DAB1: variants seen among roughly 807,000 people sequenced by gnomAD.
The protein encoded by DAB1 is DAB adaptor protein 1.
A neutral mutation model predicts 64.6 loss-of-function variants in DAB1; 15 were observed. The ratio of observed to expected loss-of-function variants is 0.23; its 90% CI spans 0.16 to 0.36. The LOEUF is 0.36. Ranked by LOEUF, DAB1 falls within the 10% of genes least tolerant of loss-of-function variation. DAB1 has a pLI of 1.00. For synonymous variants in DAB1, 235 were observed against 251.9 expected (o/e 0.93, Z 0.64); for missense variants, 596 against 706.7 (o/e 0.84, Z 1.78).
chr1:58,135,928 T>C (rs956778012), intron 5 of DAB1, among the ~76,000 whole-genome samples: 3 of 151,960 alleles, frequency 2.0e-5, no homozygotes, highest in Non-Finnish European at 4.4e-5. Flanking sequence ...TCTGTAGCCC[T>C]GGGCCATTCA....
chr1:57,079,433 G>A (rs1652283079), intron 4 of DAB1, among the ~76,000 whole-genome samples: 1 of 152,046 alleles, frequency 6.6e-6, no homozygotes, highest in Admixed American at 6.6e-5. Context: ...TTTCCTGCCT[G>A]GATTACCGCA....
chr1:58,015,788 T>C (rs1041992251), intron 5 of DAB1, among the ~76,000 whole-genome samples: 2 of 152,146 alleles, frequency 1.3e-5, no homozygotes, highest in South Asian at 2.1e-4. Context: ...GAATCACAGG[T>C]CTAAGCCAAT....
chr1:57,481,557 C>T (rs1290681858), intron 7 of DAB1, among the ~76,000 whole-genome samples: 3 of 152,138 alleles, frequency 2.0e-5, no homozygotes, highest in Non-Finnish European at 2.9e-5. Context: ...TACCTGATGC[C>T]TGTAATCCCA....
intron 7 of DAB1, among the ~76,000 whole-genome samples, chr1:57,630,140 C>T (rs1480172455): frequency 2.0e-5 from 3 of 152,120 alleles, no homozygotes; most frequent in African/African-American, 4.8e-5. Context: ...GGAGAAATCA[C>T]TCAGTTCTGT....
intron 2 of DAB1, among the ~76,000 whole-genome samples, chr1:57,226,292 G>A (rs531402729): frequency 4.5e-4 from 69 of 152,246 alleles, no homozygotes; most frequent in Admixed American, 5.9e-4. Flanking sequence ...ATGCTTGGGC[G>A]TCTAATTCAT....
chr1:58,316,799 T>C (rs1662567353), intron 4 of DAB1, among the ~76,000 whole-genome samples: 1 of 152,220 alleles, frequency 6.6e-6, no homozygotes, highest in African/African-American at 2.4e-5. Flanking sequence ...CATTCTCCAC[T>C]GTCTTCCCAG....
chr1:57,561,676 C>G (rs2691458), intron 7 of DAB1, among the ~76,000 whole-genome samples: 1 of 152,044 alleles, frequency 6.6e-6, no homozygotes, highest in Non-Finnish European at 1.5e-5. Flanking sequence ...GTCTTCACAC[C>G]AAGGGACAAT....
chr1:57,295,255 C>T (rs1673093671), intron 1 of DAB1, among the ~76,000 whole-genome samples: 1 of 152,132 alleles, frequency 6.6e-6, no homozygotes, highest in Non-Finnish European at 1.5e-5. Flanking sequence ...AAACCCCTCC[C>T]AACCTGATAT....
rs996558790 is a variant in DAB1, at chr1:57,537,597, T to C, written n.625+111995A>G. ...AAAAAGCTCCTAGGTGATTCTTAAG[T>C]GCAGCCTGGGATAGAAAACCTTGCT... is the stretch of plus-strand genomic sequence containing the variant. On this transcript the variant is annotated intron_variant and non_coding_transcript_variant, in intron 7 of 20. Coordinates refer to the DAB1 transcript ENST00000485760. 3.3e-5 allele frequency among the ~76,000 whole-genome samples: 5 copies of C among 152,064 alleles called. No homozygotes were observed. In the South Asian group the frequency reaches 8.3e-4, roughly 25 times the overall value.
At chr1:57,910,992 C>T (rs1393308353) in intron 5 of DAB1, among the ~76,000 whole-genome samples, 1 of 152,212 alleles carries the variant, frequency 6.6e-6, no homozygotes, top group African/African-American at 2.4e-5. Flanking sequence ...GTACCAGATA[C>T]TTAGAAATAT....
intron 6 of DAB1, among the ~76,000 whole-genome samples, chr1:57,649,882 C>T (rs894997402): frequency 6.6e-6 from 1 of 152,164 alleles, no homozygotes; most frequent in Non-Finnish European, 1.5e-5. Context: ...CAGAATGCCT[C>T]TTAGAAGAGA....
intron 2 of DAB1, 140 bp from the exon 3 acceptor site, chr1:57,145,569 G>C: frequency 1.3e-6 from 1 of 772,704 alleles, no homozygotes; most frequent in Non-Finnish European, 2.0e-6. Flanking sequence ...GAAAAGAATA[G>C]CAGTATTCCT....
At chr1:58,267,039 G>A (rs1297729400) in intron 4 of DAB1, among the ~76,000 whole-genome samples, 1 of 152,106 alleles carries the variant, frequency 6.6e-6, no homozygotes, top group African/African-American at 2.4e-5. Flanking sequence ...GACCAATATG[G>A]TGAAACTCTG....
At chr1:58,358,845 CCTT>C (rs907782036) in intron 3 of DAB1, among the ~76,000 whole-genome samples, 7 of 151,756 alleles carry the variant, frequency 4.6e-5, no homozygotes, top group Admixed American at 6.6e-5. Flanking sequence ...CTCTCTCACT[CCTT>C]CTCTCTCCCA....
At chr1:57,716,795 C>A (rs1647089176) in intron 6 of DAB1, among the ~76,000 whole-genome samples, 1 of 152,156 alleles carries the variant, frequency 6.6e-6, no homozygotes, top group Non-Finnish European at 1.5e-5. Flanking sequence ...AGTGAAGAGA[C>A]CAACCTACAG....
chr1:58,323,428 C>T (rs914316056), intron 4 of DAB1, among the ~76,000 whole-genome samples: 4 of 151,938 alleles, frequency 2.6e-5, no homozygotes, highest in African/African-American at 7.3e-5. Flanking sequence ...GTCTTATCTT[C>T]GTATCTAGGC....
chr1:57,343,837 G>T (rs1026804607), intron 1 of DAB1, among the ~76,000 whole-genome samples: 2 of 152,240 alleles, frequency 1.3e-5, no homozygotes, highest in Non-Finnish European at 2.9e-5. Context: ...GCCTTGGCCA[G>T]CCCAGAAAGC....
At chr1:58,026,336 A>G (rs758144235) in intron 5 of DAB1, among the ~76,000 whole-genome samples, 1 of 152,170 alleles carries the variant, frequency 6.6e-6, no homozygotes, top group Non-Finnish European at 1.5e-5. Flanking sequence ...GTTTCAATCT[A>G]GGCTCCATTT....
upstream of DAB1, among the ~76,000 whole-genome samples, chr1:57,888,207 G>A (rs1160606961): frequency 2.6e-5 from 4 of 152,066 alleles, no homozygotes; most frequent in Non-Finnish European, 4.4e-5. Context: ...AAATTTTATG[G>A]TGGGTGACTG....
Sources: allele counts gnomAD v4.1 joint callset (sites outside exome capture counted in the v4.1 genomes callset), GRCh38; gene constraint gnomAD v4.1.1; transcripts MANE v1.5; gene names NCBI Gene and HGNC (gene_info 2026-07-23, HGNC 2026-07-21).